The following ABCA3 variants were observed in gnomAD, a reference collection of about 807,000 sequenced individuals.
ABCA3 encodes the protein ATP binding cassette subfamily A member 3, also known as phospholipid-transporting ATPase ABCA3.
In ABCA3, 88 loss-of-function variants were observed where a neutral mutation model predicts 172.8. The observed-to-expected ratio is 0.51, with a 90% CI of 0.43 to 0.61. ABCA3 has a LOEUF of 0.61. ABCA3 is among the 20% of genes least tolerant of loss of function. The probability of loss-of-function intolerance (pLI) is 0.00; values close to 1 mark genes in which losing one functional copy is unlikely to be tolerated. For missense variants in ABCA3, 2,164 were observed against 2,301.0 expected (o/e 0.94, Z 1.22); for synonymous variants, 1,066 against 983.8 (o/e 1.08, Z -1.56).
At chr16:2,289,680 G>T in intron 19 of ABCA3, 60 bp from the exon 20 acceptor site, 1 of 1,528,788 alleles carries the variant, frequency 6.5e-7, no homozygotes, top group South Asian at 1.2e-5. Flanking sequence ...TGGAGGGAGG[G>T]ACTATGGTTA....
At chr16:2,280,599 G>A (rs530394129) in intron 28 of ABCA3, among the ~76,000 whole-genome samples, 4 of 152,288 alleles carry the variant, frequency 2.6e-5, no homozygotes, top group Admixed American at 6.5e-5. Flanking sequence ...TGCAGGCCCC[G>A]GGCAGAGGTG....
At chr16:2,310,249 CA>C (rs72526697) in intron 10 of ABCA3, among the ~76,000 whole-genome samples, 17,583 of 151,644 alleles carry the variant, frequency 0.12, 1,615 homozygotes, top group East Asian at 0.38. Flanking sequence ...ACTAAAAATA[CA>C]AAAATTAGCT....
At chr16:2,322,117 G>C (rs2093726981) in intron 7 of ABCA3, among the ~76,000 whole-genome samples, 1 of 151,492 alleles carries the variant, frequency 6.6e-6, no homozygotes, top group African/African-American at 2.4e-5. Flanking sequence ...AGAATCGCTT[G>C]AACCTGGGAC....
rs201810610 is a variant in ABCA3, at chr16:2,308,638, A to C, written c.1112-15T>G. 4 of 1,613,640 alleles carry C rather than the reference A, an allele frequency of 2.5e-6. No homozygotes were observed. Among genetic ancestry groups the C allele is most frequent in the East Asian group, 2.2e-5 (1 of 44,870 alleles). On this transcript the variant is annotated splice_polypyrimidine_tract_variant and intron_variant, in intron 10 of 32. Transcript: ENST00000301732. ...TGCCATGTTGGCTGCAGGTGTTGGA[A>C]GACCCGGGGGGCGTGAGCGTCAGTG...
At position 2,338,413 on chromosome 16, in the gene ABCA3, G is replaced by C. The variant is rs564984352; in HGVS notation, c.-539+2160C>G. On this transcript the variant is annotated intron_variant, in intron 1 of 32. Coordinates refer to ENST00000301732, the MANE Select transcript of ABCA3 (RefSeq NM_001089.3). The stretch of plus-strand genomic sequence containing the variant: ...CTTCTAGTACCATGGCCTCTGTGAA[G>C]CTTGTTTCAGGGGCTCTTTGTCTTG... 5.9e-5 allele frequency among the ~76,000 whole-genome samples: 9 copies of C among 152,344 alleles called. No individual in the cohort carries two copies. The East Asian group carries it at 1.5e-3, about 26-fold the overall frequency.
chr16:2,294,008 CT>C (rs1264381640), intron 18 of ABCA3, among the ~76,000 whole-genome samples: 325 of 139,816 alleles, frequency 2.3e-3, no homozygotes, highest in Admixed American at 2.7e-3. Flanking sequence ...TTTTTTCTTT[CT>C]TTTTTTTTTT....
Position 2,300,115 on chromosome 16 carries a change from C to G in ABCA3, c.1501G>C (p.Ala501Pro). ...TCACTGTCTTCTTCCTCCTTCCCTG[C>G]AACCGCCCTTGGCTTCCCACACCAA... ...SYWCGKPRAVAGKEEEDSDPE... is the reference protein window; with the variant it reads ...SYWCGKPRAVPGKEEEDSDPE... Residue 501 changes from alanine to proline, a missense_variant, in exon 13 of 33, where the codon GCA becomes CCA. Physicochemically the swap from Ala to Pro is conservative, Grantham distance 27. This residue lies in a region of ABCA3 where 1,343 missense variants were observed against 1,369.6 expected (regional missense o/e 0.98). Coordinates refer to ENST00000301732, the MANE Select transcript of ABCA3 (RefSeq NM_001089.3). The G allele has an allele frequency of 1.2e-6, 2 of 1,613,662 alleles. No individual in the cohort carries two copies. The highest frequency in any genetic ancestry group is 1.7e-6 in the Non-Finnish European group (2 of 1,179,948).
At chr16:2,331,864 G>A (rs2093743775) in intron 1 of ABCA3, among the ~76,000 whole-genome samples, 1 of 152,212 alleles carries the variant, frequency 6.6e-6, no homozygotes, top group Admixed American at 6.5e-5. Flanking sequence ...CAAGAGCAGA[G>A]CTTCAAGAAC....
At position 2,285,472 on chromosome 16, in the gene ABCA3, G is replaced by C. The variant is rs1309210116; in HGVS notation, c.3453C>G (p.Ile1151Met). 1.2e-6 allele frequency: 2 copies of C among 1,611,718 alleles called. No individual in the cohort carries two copies. Residue 1151 changes from isoleucine to methionine, a missense_variant, in exon 23 of 33, where the codon ATC (isoleucine) becomes ATG (methionine). By Grantham distance (10) the Ile-to-Met change is conservative (BLOSUM62 1). Coordinates refer to ENST00000301732, the MANE Select transcript of ABCA3 (RefSeq NM_001089.3). The surrounding 1 kb of genome is among the most constrained non-coding windows in gnomAD (Gnocchi z 4.7). Reference protein sequence around the residue: ...FWLSALLWDLISFLIPSLLLL... With the variant: ...FWLSALLWDLMSFLIPSLLLL... ...GCAGCAGACTGGGGATGAGGAAGGA[G>C]ATGAGGTCCCACAGCAGAGCAGAGA... is the stretch of plus-strand genomic sequence containing the variant.
chr16:2,332,929 C>T (rs532219158), intron 1 of ABCA3, among the ~76,000 whole-genome samples: 2 of 152,254 alleles, frequency 1.3e-5, no homozygotes, highest in Non-Finnish European at 2.9e-5. Flanking sequence ...GCCTCAGCCC[C>T]CTGAGCAGCT....
At position 2,297,939 on chromosome 16, in the gene ABCA3, G is replaced by C; in HGVS notation, c.1897-18C>G. ...CCCTTCAGCTGCAACGACAGGGGAC[G>C]CAGGGAGATGCAGGGCTCCTGGCGG... On this transcript the variant is annotated intron_variant, in intron 15 of 32. Transcript: ENST00000301732. This position sits in a 1 kb window ranked among gnomAD's most constrained non-coding sequence, Gnocchi z 5.6. 1 of 1,612,932 alleles carries C rather than the reference G, an allele frequency of 6.2e-7. No individual in the cohort carries two copies. The highest frequency in any genetic ancestry group is 8.5e-7 in the Non-Finnish European group (1 of 1,179,974).
chr16:2,289,717 G>T, intron 19 of ABCA3, 97 bp from the exon 20 acceptor site: 1 of 1,308,454 alleles, frequency 7.6e-7, no homozygotes, highest in Non-Finnish European at 1.1e-6. Flanking sequence ...CAGTGTTGCC[G>T]CAGTCCTTGG....
At position 2,299,459 on chromosome 16, in the gene ABCA3, G is replaced by C; in HGVS notation, c.1685C>G (p.Thr562Ser). The C allele has an allele frequency of 6.2e-7, 1 of 1,613,912 alleles. No homozygotes were observed. The highest frequency in any genetic ancestry group is 8.5e-7 in the Non-Finnish European group (1 of 1,179,990). The change falls in exon 14 of 33, where the codon ACC becomes AGC. Residue 562 changes from threonine to serine, a missense_variant. This residue lies in a region of ABCA3 where 1,343 missense variants were observed against 1,369.6 expected (regional missense o/e 0.98). Transcript: ENST00000301732. ...GGCACCGTTGTGGCCCAGCAGGACG[G>C]TGATCTGTCCCTCGTACAGGTTGAG... is the stretch of plus-strand genomic sequence containing the variant. ...LNLNLYEGQI[T>S]VLLGHNGAGK...
At position 2,286,824 on chromosome 16, in the gene ABCA3, G is replaced by T. The variant is rs1196650807; in HGVS notation, c.3148C>A (p.Pro1050Thr). 3.1e-6 allele frequency: 5 copies of T among 1,614,154 alleles called. No homozygotes were observed. The South Asian group carries it at 4.4e-5, about 14-fold the overall frequency. The part of the protein sequence containing the change: ...ALFNNQAYHS[P>T]ATALAVVDNL... ...TCCACGACGGCCAGGGCAGTGGCTG[G>T]AGAGTGGTACGCCTGGTTGTTGAAC... Residue 1050 changes from proline to threonine, a missense_variant, in exon 22 of 33, where the codon CCA becomes ACA. By Grantham distance (38) the Pro-to-Thr change is conservative. This residue lies in a region of ABCA3 where 26 missense variants were observed against 49.5 expected (regional missense o/e 0.53). Coordinates refer to ENST00000301732, the MANE Select transcript of ABCA3 (RefSeq NM_001089.3). This position sits in a 1 kb window ranked among gnomAD's most constrained non-coding sequence, Gnocchi z 5.2.
intron 10 of ABCA3, among the ~76,000 whole-genome samples, chr16:2,313,739 T>C (rs1214445077): frequency 6.6e-6 from 1 of 150,978 alleles, no homozygotes; most frequent in East Asian, 2.0e-4. Context: ...ACACGGTTTC[T>C]ACAAAAATAG....
At chr16:2,338,166 G>C (rs534058688) in intron 1 of ABCA3, among the ~76,000 whole-genome samples, 6 of 152,252 alleles carry the variant, frequency 3.9e-5, no homozygotes, top group Admixed American at 2.0e-4. Context: ...CAAGGACCTC[G>C]TTACACGGCT....
chr16:2,301,112 T>TC (rs1453883899), intron 12 of ABCA3, among the ~76,000 whole-genome samples: 1 of 150,788 alleles, frequency 6.6e-6, no homozygotes. Flanking sequence ...GCGCCTATAG[T>TC]CCCAGCTACT....
At chr16:2,301,226 G>A (rs323036) in intron 12 of ABCA3, among the ~76,000 whole-genome samples, 25,518 of 142,260 alleles carry the variant, frequency 0.18, 2,383 homozygotes, top group Middle Eastern at 0.23. Flanking sequence ...GCGAGACTCC[G>A]TCTCAAAAAA....
At chr16:2,292,346 C>A in intron 18 of ABCA3, 108 bp from the exon 19 acceptor site, 1 of 900,886 alleles carries the variant, frequency 1.1e-6, no homozygotes, top group Middle Eastern at 2.2e-4. Context: ...ACACCTGTAA[C>A]CCCAGCACTT....
Sources: gnomAD v4.1 joint callset for allele counts (sites outside exome capture counted in the v4.1 genomes callset) on GRCh38, gnomAD v4.1.1 for gene constraint, gnomAD v4.1.1 regional missense constraint, Gnocchi (gnomAD v3.1) non-coding constraint, MANE v1.5 for transcripts, NCBI Gene and HGNC (gene_info 2026-07-23, HGNC 2026-07-21) for gene names.